Variants in GUCY1A2 observed in about 807,000 individuals in gnomAD.
The protein encoded by GUCY1A2 is guanylate cyclase 1 soluble subunit alpha 2, also known as guanylate cyclase soluble subunit alpha-2.
GUCY1A2 carries 27 observed loss-of-function variants against 63.5 expected under a neutral mutation model. That is an observed-to-expected ratio of 0.43 (90% CI 0.31 to 0.59). The LOEUF (loss-of-function observed/expected upper bound fraction) is 0.59. GUCY1A2 is among the 20% of genes least tolerant of loss of function. GUCY1A2 has a pLI of 0.11. For synonymous variants in GUCY1A2, 364 were observed against 343.5 expected (o/e 1.06, Z -0.66); for missense variants, 768 against 913.3 (o/e 0.84, Z 2.05).
intron 4 of GUCY1A2, among the ~76,000 whole-genome samples, chr11:106,848,962 G>C (rs1267962674): frequency 6.6e-6 from 1 of 151,580 alleles, no homozygotes; most frequent in Non-Finnish European, 1.5e-5. Context: ...GTAAGTCAAA[G>C]TCTTCTAAGC....
At chr11:106,900,370 G>A (rs1860114703) in intron 4 of GUCY1A2, among the ~76,000 whole-genome samples, 1 of 152,094 alleles carries the variant, frequency 6.6e-6, no homozygotes, top group African/African-American at 2.4e-5. Context: ...TTTTTGTAGA[G>A]ACGGGGTTTT....
At chr11:106,698,274 A>G (rs1862757405) in intron 7 of GUCY1A2, among the ~76,000 whole-genome samples, 1 of 142,026 alleles carries the variant, frequency 7.0e-6, no homozygotes, top group African/African-American at 2.7e-5. Context: ...CACATGCACC[A>G]TGTCTGGGGA....
At chr11:106,905,347 G>T (rs764640536) in intron 4 of GUCY1A2, among the ~76,000 whole-genome samples, 1 of 152,088 alleles carries the variant, frequency 6.6e-6, no homozygotes, top group Admixed American at 6.6e-5. Flanking sequence ...TTAAACAACA[G>T]AAACTTATTT....
At chr11:106,766,751 G>T (rs898001597) in intron 6 of GUCY1A2, among the ~76,000 whole-genome samples, 1 of 151,946 alleles carries the variant, frequency 6.6e-6, no homozygotes, top group Admixed American at 6.6e-5. Flanking sequence ...TTTTCATATT[G>T]TAAGAGTTAG....
chr11:106,727,860 C>T (rs1863434355), intron 6 of GUCY1A2, among the ~76,000 whole-genome samples: 1 of 152,184 alleles, frequency 6.6e-6, no homozygotes. Flanking sequence ...CTCCACCTGA[C>T]TCCAGCCAAT....
chr11:106,857,237 G>A (rs1591304025), intron 4 of GUCY1A2, among the ~76,000 whole-genome samples: 1 of 152,156 alleles, frequency 6.6e-6, no homozygotes, highest in Non-Finnish European at 1.5e-5. Flanking sequence ...AGTTCCTGGT[G>A]AAGACCCTCT....
intron 6 of GUCY1A2, among the ~76,000 whole-genome samples, chr11:106,761,549 G>A (rs1452935990): frequency 6.6e-6 from 1 of 152,126 alleles, no homozygotes; most frequent in Admixed American, 6.6e-5. Context: ...TCAAAACATT[G>A]CCATAGAGAT....
Position 106,693,938 on chromosome 11 carries a change from C to CT in GUCY1A2, c.1992-6183dup, listed in dbSNP as rs1263152454. Among the ~76,000 whole-genome samples the CT allele has an allele frequency of 2.0e-5, 3 of 151,950 alleles. No individual in the cohort carries two copies. In the East Asian group the frequency reaches 5.8e-4, roughly 29 times the overall value. On this transcript the variant is annotated intron_variant, in intron 7 of 7. Coordinates refer to ENST00000526355, the MANE Select transcript of GUCY1A2 (RefSeq NM_000855.3). ...GTTGTTTGCTTTTTTGTTTTGGTCT[C>CT]TTTTTTCATGTCAAGGCATTCAACA...
intron 1 of GUCY1A2, among the ~76,000 whole-genome samples, chr11:106,997,355 T>C (rs1861552819): frequency 6.6e-6 from 1 of 152,158 alleles, no homozygotes; most frequent in African/African-American, 2.4e-5. Flanking sequence ...GTGGCTTTTG[T>C]CACTTTGCTC....
chr11:106,919,849 T>C (rs1464759419), intron 4 of GUCY1A2, among the ~76,000 whole-genome samples: 1 of 152,104 alleles, frequency 6.6e-6, no homozygotes, highest in Non-Finnish European at 1.5e-5. Context: ...TTTCTTAAAA[T>C]CTGAGCTTAC....
At chr11:106,705,395 TC>T (rs1862891113) in intron 7 of GUCY1A2, among the ~76,000 whole-genome samples, 1 of 152,094 alleles carries the variant, frequency 6.6e-6, no homozygotes, top group Non-Finnish European at 1.5e-5. Context: ...CTTTGGAATT[TC>T]CAAAGAAAGA....
At chr11:106,970,080 A>G (rs1203598298) in intron 3 of GUCY1A2, among the ~76,000 whole-genome samples, 1 of 152,188 alleles carries the variant, frequency 6.6e-6, no homozygotes, top group African/African-American at 2.4e-5. Flanking sequence ...GCTTTAGTTA[A>G]GTGAGTTTGA....
At position 106,846,432 on chromosome 11, in the gene GUCY1A2, T is replaced by C. The variant is rs1385524131; in HGVS notation, c.1207-35954A>G. ...AATCCAAAGTTGGTGGAAAAAAATC[T>C]AGATTTTAGACTAAAGCATTAATAT... On this transcript the variant is annotated intron_variant, in intron 4 of 7. Transcript: ENST00000526355. 4.0e-5 allele frequency among the ~76,000 whole-genome samples: 6 copies of C among 151,664 alleles called. No individual in the cohort carries two copies. In the East Asian group the frequency reaches 7.7e-4, roughly 20 times the overall value.
intron 4 of GUCY1A2, among the ~76,000 whole-genome samples, chr11:106,872,871 A>G (rs927468030): frequency 6.6e-6 from 1 of 152,118 alleles, no homozygotes; most frequent in African/African-American, 2.4e-5. Flanking sequence ...TACATGTGCC[A>G]TGGTGGCTTG....
intron 1 of GUCY1A2, among the ~76,000 whole-genome samples, chr11:107,014,814 T>C (rs1415371666): frequency 6.6e-6 from 1 of 152,132 alleles, no homozygotes; most frequent in East Asian, 1.9e-4. Context: ...TGAAGTATAT[T>C]GTGATGGCAT....
intron 1 of GUCY1A2, among the ~76,000 whole-genome samples, chr11:107,016,921 C>T (rs1356556228): frequency 3.3e-5 from 5 of 152,206 alleles, no homozygotes; most frequent in African/African-American, 9.6e-5. Context: ...CTAATGCATG[C>T]GAAGCTTAAT....
At chr11:106,827,516 A>G in intron 4 of GUCY1A2, 1 of 1,466,426 alleles carries the variant, frequency 6.8e-7, no homozygotes, top group Non-Finnish European at 9.6e-7. Flanking sequence ...CCTAATACAT[A>G]AGGATTTCCT....
At chr11:106,808,262 G>A (rs1591285758) in intron 5 of GUCY1A2, among the ~76,000 whole-genome samples, 1 of 149,760 alleles carries the variant, frequency 6.7e-6, no homozygotes, top group South Asian at 2.2e-4. Context: ...ATTATTATAT[G>A]TGTGTGTGTA....
intron 6 of GUCY1A2, among the ~76,000 whole-genome samples, chr11:106,745,959 G>A (rs1863779676): frequency 6.6e-6 from 1 of 152,064 alleles, no homozygotes; most frequent in African/African-American, 2.4e-5. Flanking sequence ...CATCATTTTG[G>A]TGGTCCTTAT....
Sources: allele counts gnomAD v4.1 joint callset (sites outside exome capture counted in the v4.1 genomes callset), GRCh38; gene constraint gnomAD v4.1.1; transcripts MANE v1.5; gene names NCBI Gene and HGNC (gene_info 2026-07-23, HGNC 2026-07-21).